Variants in OTOP1 observed in about 807,000 individuals in gnomAD.
OTOP1 encodes the protein otopetrin 1, also known as proton channel OTOP1.
A neutral mutation model predicts 52.9 loss-of-function variants in OTOP1; 59 were observed. The observed-to-expected ratio is 1.12, with a 90% CI of 0.91 to 1.39. OTOP1 has a LOEUF of 1.39. OTOP1 is among the 40% of genes most tolerant of loss of function. The pLI is 0.00. For synonymous variants in OTOP1, 317 were observed against 337.7 expected (o/e 0.94, Z 0.67); for missense variants, 761 against 800.9 (o/e 0.95, Z 0.60).
chr4:4,207,769 A>G (rs1435107597), intron 2 of OTOP1, among the ~76,000 whole-genome samples: 4 of 152,232 alleles, frequency 2.6e-5, no homozygotes, highest in Non-Finnish European at 5.9e-5. Context: ...AGTACCTGAT[A>G]CAGGTCTCAA....
At chr4:4,203,649 T>G (rs151189530) in intron 3 of OTOP1, among the ~76,000 whole-genome samples, 26 of 152,384 alleles carry the variant, frequency 1.7e-4, no homozygotes, top group African/African-American at 5.5e-4. Context: ...AAAGTCTTCC[T>G]ACACCTGCAG....
intron 1 of OTOP1, among the ~76,000 whole-genome samples, chr4:4,215,856 C>T (rs1429284941): frequency 2.0e-5 from 3 of 151,990 alleles, no homozygotes; most frequent in Admixed American, 6.6e-5. Flanking sequence ...TGCAGTGGCA[C>T]GATCTTGGCT....
At chr4:4,201,225 G>A (rs1716779013) in intron 4 of OTOP1, among the ~76,000 whole-genome samples, 1 of 152,054 alleles carries the variant, frequency 6.6e-6, no homozygotes, top group Admixed American at 6.6e-5. Flanking sequence ...CCAAGAGTTC[G>A]AGACCAGCTT....
intron 4 of OTOP1, among the ~76,000 whole-genome samples, chr4:4,201,501 T>C (rs10937753): frequency 0.049 from 4,015 of 82,692 alleles, 157 homozygotes; most frequent in African/African-American, 0.14. Flanking sequence ...CACACACACA[T>C]ACACACACAC....
chr4:4,226,335 G>T (rs1811446), intron 1 of OTOP1, 127 bp downstream of exon 1: 123,091 of 940,526 alleles, frequency 0.13, 8,392 homozygotes, highest in East Asian at 0.23. Context: ...TAGGAAAGAT[G>T]CACAGAGAGA....
At chr4:4,224,346 C>CA (rs57436899) in intron 1 of OTOP1, among the ~76,000 whole-genome samples, 15,911 of 115,090 alleles carry the variant, frequency 0.14, 1,724 homozygotes, top group African/African-American at 0.34. Flanking sequence ...GACTCCATCT[C>CA]AAAAAAAAAA....
At chr4:4,220,530 T>G (rs966422197) in intron 1 of OTOP1, among the ~76,000 whole-genome samples, 4 of 152,186 alleles carry the variant, frequency 2.6e-5, no homozygotes, top group African/African-American at 9.7e-5. Flanking sequence ...TACCTTTGCC[T>G]CAGTTTCCCC....
chr4:4,192,980 C>T (rs2980115), intron 5 of OTOP1, among the ~76,000 whole-genome samples: 103,017 of 152,042 alleles, frequency 0.68, 35,241 homozygotes, highest in South Asian at 0.81. Context: ...ACAATGTGAA[C>T]GTACTTTACT....
chr4:4,189,321 G>A (rs1236589182), intron 5 of OTOP1, among the ~76,000 whole-genome samples: 1 of 152,210 alleles, frequency 6.6e-6, no homozygotes, highest in Non-Finnish European at 1.5e-5. Flanking sequence ...GGGCTTAGAT[G>A]AGAATTAAGT....
chr4:4,190,466 C>T (rs1184111951), intron 5 of OTOP1, among the ~76,000 whole-genome samples: 3 of 152,132 alleles, frequency 2.0e-5, no homozygotes, highest in African/African-American at 4.8e-5. Context: ...CAGTGAGGCT[C>T]TGTCTCAAAA....
chr4:4,198,948 T>C (rs546322541), intron 4 of OTOP1, among the ~76,000 whole-genome samples: 1 of 152,318 alleles, frequency 6.6e-6, no homozygotes, highest in Non-Finnish European at 1.5e-5. Flanking sequence ...CCCAGCACTT[T>C]GGGAGGCCAA....
At chr4:4,193,318 C>A (rs1180349582) in intron 5 of OTOP1, among the ~76,000 whole-genome samples, 1 of 152,142 alleles carries the variant, frequency 6.6e-6, no homozygotes, top group Non-Finnish European at 1.5e-5. Flanking sequence ...CTTCCCTGAC[C>A]CATCTCCCAC....
chr4:4,209,220 C>G (rs1716973199), intron 2 of OTOP1, among the ~76,000 whole-genome samples: 1 of 152,168 alleles, frequency 6.6e-6, no homozygotes, highest in African/African-American at 2.4e-5. Context: ...TTGCCTGGGT[C>G]TGACAAAAGC....
intron 1 of OTOP1, among the ~76,000 whole-genome samples, chr4:4,223,149 T>C (rs1373906128): frequency 6.6e-6 from 1 of 152,218 alleles, no homozygotes; most frequent in Non-Finnish European, 1.5e-5. Context: ...TGAACACCTA[T>C]CACGTGCTCT....
chr4:4,201,467 T>TAC (rs374925758), intron 4 of OTOP1, among the ~76,000 whole-genome samples: 11,254 of 126,142 alleles, frequency 0.089, 528 homozygotes, highest in South Asian at 0.15. Flanking sequence ...TAAATATATA[T>TAC]ATATACACAC....
intron 1 of OTOP1, among the ~76,000 whole-genome samples, chr4:4,215,615 G>A (rs544375213): frequency 2.3e-4 from 35 of 152,062 alleles, no homozygotes; most frequent in African/African-American, 6.5e-4. Flanking sequence ...AGCCGAGATC[G>A]CATGATTGCA....
chr4:4,205,578 G>A (rs201838317), intron 3 of OTOP1, among the ~76,000 whole-genome samples: 1 of 152,148 alleles, frequency 6.6e-6, no homozygotes, highest in Non-Finnish European at 1.5e-5. Flanking sequence ...ATGGCTCTTT[G>A]TTAAAATACT....
intron 2 of OTOP1, among the ~76,000 whole-genome samples, chr4:4,208,072 C>T (rs1716947343): frequency 6.6e-6 from 1 of 152,132 alleles, no homozygotes; most frequent in Non-Finnish European, 1.5e-5. Context: ...AAACGTCGGG[C>T]ACAGGAAGAC....
chr4:4,217,056 G>C (rs1717170129), intron 1 of OTOP1, among the ~76,000 whole-genome samples: 1 of 152,126 alleles, frequency 6.6e-6, no homozygotes, highest in African/African-American at 2.4e-5. Context: ...GAAAACTACT[G>C]GTCTAGACCA....
Sources: allele counts gnomAD v4.1 joint callset (sites outside exome capture counted in the v4.1 genomes callset), GRCh38; gene constraint gnomAD v4.1.1; transcripts MANE v1.5; gene names NCBI Gene and HGNC (gene_info 2026-07-23, HGNC 2026-07-21).